The following CTNNA3 variants were observed in gnomAD, a reference collection of about 807,000 sequenced individuals.
CTNNA3 encodes catenin alpha-3.
Under a neutral mutation model 95.7 loss-of-function variants are expected in CTNNA3, and 76 were observed. That is an observed-to-expected ratio of 0.79 (90% CI 0.66 to 0.96). The LOEUF (loss-of-function observed/expected upper bound fraction) is 0.96, where lower values mean the gene tolerates loss of function less well. CTNNA3 is among the 40% of genes least tolerant of loss of function. The pLI is 0.00. For missense variants in CTNNA3, 1,191 were observed against 1,089.8 expected (o/e 1.09, Z -1.31); for synonymous variants, 431 against 374.4 (o/e 1.15, Z -1.74).
intron 11 of CTNNA3, among the ~76,000 whole-genome samples, chr10:66,445,313 C>G (rs1398503424): frequency 6.6e-6 from 1 of 152,026 alleles, no homozygotes; most frequent in African/African-American, 2.4e-5. Flanking sequence ...AGCTCTGCAC[C>G]AAGCAGACCT....
chr10:67,075,175 C>CACACACACACAT (rs1564873838), intron 7 of CTNNA3, among the ~76,000 whole-genome samples: 1 of 151,864 alleles, frequency 6.6e-6, no homozygotes, highest in Non-Finnish European at 1.5e-5. Context: ...TTTCTGCACA[C>CACACACACACAT]ACACACACAC....
intron 13 of CTNNA3, among the ~76,000 whole-genome samples, chr10:66,255,400 C>T (rs2090728317): frequency 6.6e-6 from 1 of 152,106 alleles, no homozygotes; most frequent in South Asian, 2.1e-4. Context: ...TAAAGTGGTC[C>T]CATTTTGACC....
chr10:66,147,293 A>T (rs564200318), intron 13 of CTNNA3, among the ~76,000 whole-genome samples: 37 of 152,188 alleles, frequency 2.4e-4, no homozygotes, highest in South Asian at 1.2e-3. Flanking sequence ...CTTCTTTTTT[A>T]AAAAAAGTTT....
chr10:66,991,483 G>A (rs1851033905), intron 7 of CTNNA3, among the ~76,000 whole-genome samples: 1 of 152,044 alleles, frequency 6.6e-6, no homozygotes, highest in African/African-American at 2.4e-5. Flanking sequence ...ATTTAAAAGG[G>A]TATATTTAAA....
chr10:66,081,463 T>C (rs1287585478), intron 14 of CTNNA3, among the ~76,000 whole-genome samples: 2 of 151,026 alleles, frequency 1.3e-5, no homozygotes, highest in Non-Finnish European at 3.0e-5. Flanking sequence ...AATCATGAAA[T>C]AGGAAAAAAG....
chr10:66,293,656 C>G (rs1014584582), intron 12 of CTNNA3, among the ~76,000 whole-genome samples: 4 of 144,428 alleles, frequency 2.8e-5, no homozygotes, highest in African/African-American at 1.1e-4. Context: ...ATTATTTTTT[C>G]TTTTTTCTTT....
At chr10:67,733,482 T>G (rs3125311) in intron 1 of CTNNA3, among the ~76,000 whole-genome samples, 67,051 of 152,048 alleles carry the variant, frequency 0.44, 18,211 homozygotes, top group African/African-American at 0.78. Flanking sequence ...GAAGGAGGCT[T>G]GTCTCTGCTT....
chr10:67,115,341 G>A (rs1452767071), intron 7 of CTNNA3, among the ~76,000 whole-genome samples: 2 of 151,446 alleles, frequency 1.3e-5, no homozygotes, highest in African/African-American at 4.9e-5. Flanking sequence ...ACTGTTGTGG[G>A]GTTGGGGGAG....
At position 67,521,536 on chromosome 10, in the gene CTNNA3, C is replaced by T. The variant is rs6480263; in HGVS notation, c.579+306G>A. Among the ~76,000 whole-genome samples, 30,105 of 152,098 alleles carry T rather than the reference C, an allele frequency of 0.2. 4,963 individuals carry two copies. Among genetic ancestry groups the T allele is most frequent in the African/African-American group, 0.46 (18,960 of 41,430 alleles). ...CCAACTGGCCAAGCCATTATAGAGA[C>T]TCCCTTTATGCCTCTGAAGCGTCCC... On this transcript the variant is annotated intron_variant, in intron 5 of 17. Coordinates refer to ENST00000433211, the MANE Select transcript of CTNNA3 (RefSeq NM_013266.4).
At chr10:66,632,643 G>A (rs1462037742) in intron 9 of CTNNA3, among the ~76,000 whole-genome samples, 1 of 151,440 alleles carries the variant, frequency 6.6e-6, no homozygotes, top group Non-Finnish European at 1.5e-5. Flanking sequence ...CAGGGTAATG[G>A]TAAAAAATAT....
At chr10:67,251,198 G>T (rs1183008656) in intron 5 of CTNNA3, among the ~76,000 whole-genome samples, 1 of 152,172 alleles carries the variant, frequency 6.6e-6, no homozygotes, top group Non-Finnish European at 1.5e-5. Context: ...GATGAATCTT[G>T]AAAACATTAT....
intron 13 of CTNNA3, among the ~76,000 whole-genome samples, chr10:66,135,721 G>A (rs569290139): frequency 3.3e-5 from 5 of 152,146 alleles, no homozygotes; most frequent in South Asian, 2.1e-4. Context: ...TTCACAATGC[G>A]GAGATATTGC....
chr10:67,370,241 AT>A (rs1019357109), intron 5 of CTNNA3, among the ~76,000 whole-genome samples: 4 of 151,488 alleles, frequency 2.6e-5, no homozygotes, highest in Non-Finnish European at 4.4e-5. Context: ...TCTCCACTTG[AT>A]TTTTTTTTAT....
intron 11 of CTNNA3, among the ~76,000 whole-genome samples, chr10:66,462,674 T>C (rs2093537790): frequency 6.6e-6 from 1 of 152,150 alleles, no homozygotes; most frequent in Non-Finnish European, 1.5e-5. Flanking sequence ...CATCTTACAA[T>C]CTTACACAAA....
At chr10:67,719,502 T>A (rs1841165253) in intron 1 of CTNNA3, among the ~76,000 whole-genome samples, 1 of 152,232 alleles carries the variant, frequency 6.6e-6, no homozygotes, top group Non-Finnish European at 1.5e-5. Context: ...ACTTTGTGTC[T>A]TTGTTCTTAT....
At chr10:65,940,199 T>G (rs1299436767) in intron 17 of CTNNA3, among the ~76,000 whole-genome samples, 1 of 152,210 alleles carries the variant, frequency 6.6e-6, no homozygotes, top group Admixed American at 6.5e-5. Flanking sequence ...ATCTGTACTC[T>G]TCAATGTGGA....
chr10:66,554,717 A>G lies in CTNNA3; in HGVS notation c.1375-33944T>C, dbSNP rs1842338392. Among the ~76,000 whole-genome samples, 4 of 152,136 alleles carry G rather than the reference A, an allele frequency of 2.6e-5. No individual in the cohort carries two copies. The South Asian group carries it at 8.3e-4, about 32-fold the overall frequency. On this transcript the variant is annotated intron_variant, in intron 10 of 17. Transcript: ENST00000433211. ...TTAAAAAATGTAGTAAATGTAGTAT[A>G]TCACTTTCTATAAATTACAGTTTCC...
chr10:67,602,864 T>C (rs1267527960), intron 3 of CTNNA3, among the ~76,000 whole-genome samples: 5 of 152,200 alleles, frequency 3.3e-5, no homozygotes, highest in African/African-American at 4.8e-5. Flanking sequence ...AAACTATAAT[T>C]ATGAGAGTTA....
rs149711973 is a variant in CTNNA3 at position 66,314,128 on chromosome 10, G to A, written c.1733-33507C>T. ...CAGTCATAGGAAACATCTCAGCAGG[G>A]GCCCCTGTTTCATCATAGCTCACAT... On this transcript the variant is annotated intron_variant, in intron 12 of 17. Transcript: ENST00000433211. 7.4e-4 allele frequency among the ~76,000 whole-genome samples: 113 copies of A among 152,194 alleles called. No homozygotes were observed. In the East Asian group the frequency reaches 0.018, roughly 24 times the overall value.
Sources: allele counts gnomAD v4.1 joint callset (sites outside exome capture counted in the v4.1 genomes callset), GRCh38; gene constraint gnomAD v4.1.1; transcripts MANE v1.5; gene names NCBI Gene and HGNC (gene_info 2026-07-23, HGNC 2026-07-21).